Variants in OSBP2 observed in about 807,000 individuals in gnomAD.
OSBP2 encodes oxysterol-binding protein 2.
OSBP2 carries 66 observed loss-of-function variants against 96.0 expected under a neutral mutation model. The observed-to-expected ratio is 0.69, with a 90% CI of 0.56 to 0.84. OSBP2 has a LOEUF of 0.84. OSBP2 is among the 40% of genes least tolerant of loss of function. The probability of loss-of-function intolerance (pLI) is 0.00; values close to 1 mark genes in which losing one functional copy is unlikely to be tolerated. For missense variants in OSBP2, 1,038 were observed against 1,222.7 expected (o/e 0.85, Z 2.25); for synonymous variants, 525 against 520.9 (o/e 1.01, Z -0.11).
At chr22:30,797,117 A>T (rs2090775870) in intron 2 of OSBP2, among the ~76,000 whole-genome samples, 2 of 152,096 alleles carry the variant, frequency 1.3e-5, no homozygotes, top group African/African-American at 4.8e-5. Flanking sequence ...TTTGTGTCTG[A>T]TCTATTTCCC....
At chr22:30,815,454 C>T (rs1020765276) in intron 2 of OSBP2, among the ~76,000 whole-genome samples, 17 of 152,254 alleles carry the variant, frequency 1.1e-4, no homozygotes, top group East Asian at 9.6e-4. Flanking sequence ...GAAAGGGTTT[C>T]GCATAATAAT....
chr22:30,849,461 A>T (rs975498544), intron 2 of OSBP2, among the ~76,000 whole-genome samples: 1 of 152,110 alleles, frequency 6.6e-6, no homozygotes, highest in African/African-American at 2.4e-5. Flanking sequence ...ATGGTATCTC[A>T]TTACGGTTTT....
At chr22:30,731,787 C>T (rs774614276) in intron 1 of OSBP2, 5 of 153,956 alleles carry the variant, frequency 3.2e-5, no homozygotes, top group Non-Finnish European at 5.9e-5. Flanking sequence ...CTGGGGTTAC[C>T]AGGAAGAATA....
intron 1 of OSBP2, among the ~76,000 whole-genome samples, chr22:30,701,341 T>G (rs961503584): frequency 2.8e-5 from 4 of 144,614 alleles, no homozygotes; most frequent in African/African-American, 9.8e-5. Flanking sequence ...TTCTTTTTCT[T>G]TTCTTTTTTT....
chr22:30,707,510 C>T (rs1357278656), intron 1 of OSBP2, among the ~76,000 whole-genome samples: 2 of 151,430 alleles, frequency 1.3e-5, no homozygotes, highest in South Asian at 2.1e-4. Flanking sequence ...GTCAGAAGAT[C>T]GAGACCATCC....
At chr22:30,843,443 T>TCCCCC (rs1569146745) in intron 2 of OSBP2, among the ~76,000 whole-genome samples, 2 of 99,678 alleles carry the variant, frequency 2.0e-5, no homozygotes, top group South Asian at 3.2e-4. Flanking sequence ...TCAGGAATCT[T>TCCCCC]TCCCCCCTCC....
chr22:30,793,974 T>G (rs1569126698), intron 2 of OSBP2, among the ~76,000 whole-genome samples: 1 of 152,214 alleles, frequency 6.6e-6, no homozygotes, highest in East Asian at 1.9e-4. Context: ...TACACTGGAA[T>G]ATTATTCAGC....
chr22:30,863,702 C>T (rs748738799), intron 2 of OSBP2, among the ~76,000 whole-genome samples: 1 of 152,168 alleles, frequency 6.6e-6, no homozygotes, highest in East Asian at 1.9e-4. Context: ...AGGGGAGGGA[C>T]AGCAGTGCCT....
intron 2 of OSBP2, among the ~76,000 whole-genome samples, chr22:30,813,745 GCAGTGGTGTGGGGA>G (rs1308336827): frequency 3.3e-5 from 5 of 151,670 alleles, no homozygotes; most frequent in Admixed American, 6.6e-5. Context: ...CTTGTGTAGG[GCAGTGGTGTGGGGA>G]CAGCTGGTGC....
chr22:30,804,104 G>A (rs2090893962), intron 2 of OSBP2, among the ~76,000 whole-genome samples: 1 of 152,190 alleles, frequency 6.6e-6, no homozygotes, highest in Non-Finnish European at 1.5e-5. Flanking sequence ...ACCTGGCAAG[G>A]TCAGACAGAT....
intron 2 of OSBP2, among the ~76,000 whole-genome samples, chr22:30,867,300 T>G (rs5749183): frequency 0.23 from 35,518 of 152,090 alleles, 4,813 homozygotes; most frequent in East Asian, 0.41. Flanking sequence ...GCCAGTCTCC[T>G]TGGTCTGTGC....
intron 12 of OSBP2, 95 bp downstream of exon 12, chr22:30,894,096 G>T: frequency 9.2e-7 from 1 of 1,082,078 alleles, no homozygotes; most frequent in Non-Finnish European, 1.3e-6. Context: ...GGTCGGGAGG[G>T]TTCAGTCCAC....
At position 30,907,725 on chromosome 22, in the gene OSBP2, C is replaced by G. The variant is rs2040360981; in HGVS notation, c.*1386C>G. ...GTGGGGCAGGATGGCCCCACTGGGGCTCCTACAGAGCTGTGGAATGTACCT... is the reference window on the plus strand; with the variant it reads ...GTGGGGCAGGATGGCCCCACTGGGGGTCCTACAGAGCTGTGGAATGTACCT... On this transcript the variant is annotated 3_prime_UTR_variant, in exon 14 of 14. Transcript: ENST00000332585. 6.6e-6 allele frequency: 1 copy of G among 152,578 alleles called. No homozygotes were observed. Among genetic ancestry groups the G allele is most frequent in the Non-Finnish European group, 1.5e-5 (1 of 68,040 alleles). The allele number at this position is 152,578 out of a possible 1,614,324, so 9.5% of individuals were successfully genotyped here.
At chr22:30,705,429 A>G (rs1010949063) in intron 1 of OSBP2, among the ~76,000 whole-genome samples, 8 of 151,938 alleles carry the variant, frequency 5.3e-5, no homozygotes, top group Middle Eastern at 3.2e-3. Context: ...GAGTAGCTGG[A>G]ATTACAGGCA....
intron 2 of OSBP2, among the ~76,000 whole-genome samples, chr22:30,760,677 A>G (rs1355608960): frequency 6.6e-6 from 1 of 152,034 alleles, no homozygotes; most frequent in Non-Finnish European, 1.5e-5. Flanking sequence ...TTAGCCAGGC[A>G]TGGTGGTGCA....
chr22:30,786,788 A>C (rs1029393151), intron 2 of OSBP2, among the ~76,000 whole-genome samples: 1 of 152,012 alleles, frequency 6.6e-6, no homozygotes, highest in Non-Finnish European at 1.5e-5. Flanking sequence ...CAAAACATGC[A>C]TCAGGAAAGG....
At chr22:30,703,772 G>C (rs1436672586) in intron 1 of OSBP2, among the ~76,000 whole-genome samples, 4 of 152,142 alleles carry the variant, frequency 2.6e-5, no homozygotes, top group Non-Finnish European at 5.9e-5. Context: ...CATCGTGCCT[G>C]GCCTGGCCTT....
intron 1 of OSBP2, among the ~76,000 whole-genome samples, chr22:30,710,352 A>T (rs538743676): frequency 1.3e-5 from 2 of 152,296 alleles, no homozygotes; most frequent in South Asian, 2.1e-4. Context: ...CTTCTCTTCT[A>T]GTGGTGGCCA....
chr22:30,898,062 T>G (rs1280266777), intron 12 of OSBP2, among the ~76,000 whole-genome samples: 5 of 152,152 alleles, frequency 3.3e-5, no homozygotes, highest in Non-Finnish European at 7.3e-5. Flanking sequence ...TCCTTTGAGT[T>G]TCAATTCTAA....
Sources: allele counts gnomAD v4.1 joint callset (sites outside exome capture counted in the v4.1 genomes callset), GRCh38; gene constraint gnomAD v4.1.1; transcripts MANE v1.5; gene names NCBI Gene and HGNC (gene_info 2026-07-23, HGNC 2026-07-21).